The following RSPRY1 variants were observed in gnomAD, a reference collection of about 807,000 sequenced individuals.
RSPRY1 encodes ring finger and SPRY domain containing 1.
In RSPRY1, 23 loss-of-function variants were observed where a neutral mutation model predicts 73.1. The ratio of observed to expected loss-of-function variants is 0.31; its 90% CI spans 0.23 to 0.45. The LOEUF (loss-of-function observed/expected upper bound fraction) is 0.45. Ranked by LOEUF, RSPRY1 falls within the 20% of genes least tolerant of loss-of-function variation. RSPRY1 has a pLI of 1.00. For synonymous variants in RSPRY1, 226 were observed against 251.4 expected (o/e 0.90, Z 0.95); for missense variants, 448 against 698.7 (o/e 0.64, Z 4.05).
intron 4 of RSPRY1, among the ~76,000 whole-genome samples, chr16:57,211,854 C>T (rs1203578041): frequency 1.3e-5 from 2 of 152,042 alleles, no homozygotes; most frequent in Admixed American, 6.5e-5. Context: ...GCTGGGATTA[C>T]AGGCATGAGC....
chr16:57,238,428 A>G (rs1279518977), intron 14 of RSPRY1, among the ~76,000 whole-genome samples: 1 of 152,234 alleles, frequency 6.6e-6, no homozygotes, highest in Admixed American at 6.5e-5. Context: ...CCATTACTAT[A>G]TGACAAGAAT....
At chr16:57,187,280 AT>A (rs2074239303) in intron 1 of RSPRY1, among the ~76,000 whole-genome samples, 1 of 152,064 alleles carries the variant, frequency 6.6e-6, no homozygotes, top group Non-Finnish European at 1.5e-5. Context: ...CAAATTAGGC[AT>A]TTGTCTCTCC....
intron 11 of RSPRY1, among the ~76,000 whole-genome samples, chr16:57,227,811 G>A (rs1198623593): frequency 6.6e-6 from 1 of 152,110 alleles, no homozygotes; most frequent in Non-Finnish European, 1.5e-5. Flanking sequence ...ATTTTTCAGG[G>A]ACAAGATGGC....
chr16:57,206,267 A>G (rs1345837507), intron 2 of RSPRY1, among the ~76,000 whole-genome samples: 1 of 152,122 alleles, frequency 6.6e-6, no homozygotes, highest in Non-Finnish European at 1.5e-5. Flanking sequence ...TTATCCAGGT[A>G]CAGTGGCACT....
In RSPRY1 at chr16:57,230,807, C is replaced by A; in HGVS notation, c.1370C>A (p.Ser457Tyr). The A allele has an allele frequency of 6.3e-7, 1 of 1,587,894 alleles. No individual in the cohort carries two copies. Among genetic ancestry groups the A allele is most frequent in the Non-Finnish European group, 8.6e-7 (1 of 1,157,422 alleles). ...CCTCCTGAAAAGCAAGTCTTTTCAT[C>A]TACTGTGTAAGTAGCTCTTCTCAGT... Reference protein sequence around the residue: ...QLPPEKQVFSSTVSGFFAAAS... With the variant: ...QLPPEKQVFSYTVSGFFAAAS... Residue 457 changes from serine (S) to tyrosine (Y), a missense_variant, in exon 12 of 15, where the codon TCT (serine) becomes TAT (tyrosine). Transcript: ENST00000394420.
At chr16:57,212,940 G>A in intron 4 of RSPRY1, 32 bp from the exon 5 acceptor site, 3 of 1,607,890 alleles carry the variant, frequency 1.9e-6, no homozygotes, top group Non-Finnish European at 2.5e-6. Flanking sequence ...TGTAGTATAT[G>A]GGTCAAACCC....
rs144078768 is a variant in RSPRY1, at chr16:57,237,961, T to C, written c.1635-918T>C. 2.1e-3 allele frequency among the ~76,000 whole-genome samples: 317 copies of C among 152,246 alleles called. 2 individuals carry two copies. Among genetic ancestry groups the C allele is most frequent in the African/African-American group, 7.1e-3 (294 of 41,562 alleles). ...CACATAGGAAGCATTTCAAGAGATG[T>C]TGGGAATAAGATAAGGATGCCTACT... On this transcript the variant is annotated intron_variant, in intron 14 of 14. Coordinates refer to ENST00000394420, the MANE Select transcript of RSPRY1 (RefSeq NM_133368.3).
chr16:57,195,339 C>CTCTACTAAATGTACAAAA (rs1428377868), intron 1 of RSPRY1, among the ~76,000 whole-genome samples: 2 of 151,876 alleles, frequency 1.3e-5, no homozygotes, highest in Admixed American at 1.3e-4. Flanking sequence ...TGGTGAAACC[C>CTCTACTAAATGTACAAAA]CATCTCTACT....
chr16:57,213,260 A>G (rs1403718312), intron 5 of RSPRY1, among the ~76,000 whole-genome samples, 162 bp downstream of exon 5: 1 of 152,242 alleles, frequency 6.6e-6, no homozygotes, highest in African/African-American at 2.4e-5. Flanking sequence ...GAAAGGCTAC[A>G]GAGGTGAATG....
intron 11 of RSPRY1, among the ~76,000 whole-genome samples, chr16:57,228,288 A>T (rs2075151311): frequency 6.6e-6 from 1 of 151,480 alleles, no homozygotes; most frequent in Non-Finnish European, 1.5e-5. Flanking sequence ...AAAAAAAAAA[A>T]AAAAAGGAAA....
At chr16:57,200,779 G>A (rs1319335292) in intron 1 of RSPRY1, among the ~76,000 whole-genome samples, 3 of 25,812 alleles carry the variant, frequency 1.2e-4, no homozygotes, top group Non-Finnish European at 2.2e-4. Flanking sequence ...GCGGCTGGCC[G>A]GGCTGGGGGC....
At chr16:57,205,251 G>A (rs2146249310) in intron 2 of RSPRY1, 1 of 489,000 alleles carries the variant, frequency 2.0e-6, no homozygotes, top group East Asian at 3.6e-5. Context: ...ACACGATAAA[G>A]CTATGATCTT....
chr16:57,209,239 A>C (rs774539531), intron 4 of RSPRY1, 52 bp downstream of exon 4: 1 of 1,150,188 alleles, frequency 8.7e-7, no homozygotes, highest in South Asian at 1.3e-5. Flanking sequence ...TAAGCACAAG[A>C]TAAATGACCA....
chr16:57,201,882 A>G (rs1217271141), intron 1 of RSPRY1, among the ~76,000 whole-genome samples: 2 of 152,084 alleles, frequency 1.3e-5, no homozygotes, highest in African/African-American at 4.8e-5. Flanking sequence ...TCAGGCAGGG[A>G]GTTTGCAGTG....
At position 57,190,281 on chromosome 16, in the gene RSPRY1, A is replaced by C. The variant is rs191733635; in HGVS notation, c.-156+3830A>C. On this transcript the variant is annotated intron_variant, in intron 1 of 14. Coordinates refer to ENST00000394420, the MANE Select transcript of RSPRY1 (RefSeq NM_133368.3). Reference sequence around the variant, plus strand: ...CTACTTGGGAGGCTGAGGTGGTAGAATCTCTTGAGCCTGGGAGGTTGAAGA... The same window carrying C: ...CTACTTGGGAGGCTGAGGTGGTAGACTCTCTTGAGCCTGGGAGGTTGAAGA... 2.0e-4 allele frequency among the ~76,000 whole-genome samples: 31 copies of C among 152,294 alleles called. No homozygotes were observed. In the East Asian group the frequency reaches 5.4e-3, roughly 27 times the overall value.
intron 10 of RSPRY1, among the ~76,000 whole-genome samples, chr16:57,223,548 G>A (rs2075073607): frequency 6.6e-6 from 1 of 152,198 alleles, no homozygotes; most frequent in African/African-American, 2.4e-5. Flanking sequence ...GGGAGGCTGA[G>A]GTGGGTGGAT....
intron 13 of RSPRY1, 66 bp from the exon 14 acceptor site, chr16:57,235,058 C>T: frequency 3.6e-6 from 4 of 1,116,956 alleles, no homozygotes; most frequent in Non-Finnish European, 5.4e-6. Context: ...CAAAACATTT[C>T]ATATGCATCA....
At chr16:57,213,974 C>G (rs768344573) in intron 6 of RSPRY1, 28 bp downstream of exon 6, 2 of 1,499,406 alleles carry the variant, frequency 1.3e-6, no homozygotes, top group South Asian at 1.1e-5. Context: ...ACTATTTATT[C>G]TTAGTCATCT....
At chr16:57,190,636 G>C (rs1472399449) in intron 1 of RSPRY1, among the ~76,000 whole-genome samples, 1 of 152,226 alleles carries the variant, frequency 6.6e-6, no homozygotes, top group Non-Finnish European at 1.5e-5. Flanking sequence ...GAATAATCAC[G>C]AAGTAGTAAA....
Sources: gnomAD v4.1 joint callset for allele counts (sites outside exome capture counted in the v4.1 genomes callset) on GRCh38, gnomAD v4.1.1 for gene constraint, MANE v1.5 for transcripts, NCBI Gene and HGNC (gene_info 2026-07-23, HGNC 2026-07-21) for gene names.